STAU2: variants seen among roughly 807,000 people sequenced by gnomAD.
STAU2 encodes the protein double-stranded RNA-binding protein Staufen homolog 2.
STAU2 carries 20 observed loss-of-function variants against 65.9 expected under a neutral mutation model. The ratio of observed to expected loss-of-function variants is 0.30; its 90% CI spans 0.21 to 0.44. The LOEUF (loss-of-function observed/expected upper bound fraction) is 0.44. STAU2 is among the 20% of genes least tolerant of loss of function. The pLI, the probability that STAU2 is intolerant of heterozygous loss-of-function variation, is 1.00. For synonymous variants in STAU2, 232 were observed against 233.9 expected, an observed-to-expected ratio of 0.99 and a Z score of 0.07; for missense variants, 558 against 683.9, an observed-to-expected ratio of 0.82 and a Z score of 2.05.
intron 5 of STAU2, among the ~76,000 whole-genome samples, chr8:73,686,142 C>T (rs577072542): frequency 1.9e-4 from 29 of 152,306 alleles, no homozygotes; most frequent in Non-Finnish European, 2.6e-4. Flanking sequence ...GGGCCGGGCG[C>T]GGTGGCTCAC....
intron 13 of STAU2, among the ~76,000 whole-genome samples, chr8:73,495,662 A>AATATATATATATATATATATATATAT (rs3032943): frequency 6.7e-4 from 89 of 132,450 alleles, no homozygotes; most frequent in Admixed American, 1.4e-3. Flanking sequence ...CATAAAGCCA[A>AATATATATATATATATATATATATAT]ATATATATAT....
At chr8:73,644,796 G>C (rs1563478185) in intron 6 of STAU2, among the ~76,000 whole-genome samples, 1 of 151,922 alleles carries the variant, frequency 6.6e-6, no homozygotes, top group Non-Finnish European at 1.5e-5. Flanking sequence ...AAAGAATAAG[G>C]GAATACTAAG....
intron 13 of STAU2, among the ~76,000 whole-genome samples, chr8:73,433,904 C>T (rs774410722): frequency 1.5e-4 from 23 of 152,006 alleles, no homozygotes; most frequent in Non-Finnish European, 2.4e-4. Context: ...CGAGTCCACA[C>T]GGCACGCTCA....
At chr8:73,618,642 A>G (rs141667495) in intron 6 of STAU2, among the ~76,000 whole-genome samples, 3 of 152,376 alleles carry the variant, frequency 2.0e-5, no homozygotes, top group Non-Finnish European at 4.4e-5. Context: ...AATCTGACTT[A>G]TCTCTTGGAA....
intron 12 of STAU2, among the ~76,000 whole-genome samples, chr8:73,582,477 AT>A (rs1207766385): frequency 6.6e-6 from 1 of 151,022 alleles, no homozygotes; most frequent in Non-Finnish European, 1.5e-5. Context: ...ATATTTTTAT[AT>A]TTTTTATAAT....
At chr8:73,733,672 C>CACAT (rs1226956148) in intron 3 of STAU2, among the ~76,000 whole-genome samples, 11 of 152,014 alleles carry the variant, frequency 7.2e-5, no homozygotes, top group African/African-American at 2.7e-4. Flanking sequence ...TGACAGTAGA[C>CACAT]ACATATAAGC....
intron 3 of STAU2, 31 bp from the exon 4 acceptor site, chr8:73,709,193 G>A: frequency 6.9e-7 from 1 of 1,453,298 alleles, no homozygotes; most frequent in East Asian, 2.6e-5. Context: ...AAGTTTTTGT[G>A]AAGAATGACT....
Position 73,432,572 on chromosome 8 carries a change from T to C in STAU2, c.1531-9870A>G, listed in dbSNP as rs1585737217. 2.6e-5 allele frequency among the ~76,000 whole-genome samples: 4 copies of C among 152,208 alleles called. No individual in the cohort carries two copies. In the South Asian group the frequency reaches 8.3e-4, roughly 32 times the overall value. On this transcript the variant is annotated intron_variant, in intron 13 of 14. Transcript: ENST00000524300. ...AAATAAGAGAAACCAAAAAGACATTTGTATATTTCTAAACTTAAAACTTTA... is the reference window on the plus strand; with the variant it reads ...AAATAAGAGAAACCAAAAAGACATTCGTATATTTCTAAACTTAAAACTTTA...
intron 3 of STAU2, among the ~76,000 whole-genome samples, chr8:73,720,472 C>T (rs1308909008): frequency 7.2e-6 from 1 of 138,116 alleles, no homozygotes; most frequent in Non-Finnish European, 1.6e-5. Flanking sequence ...TGTTGTATTG[C>T]TGTTGTCATT....
chr8:73,523,960 T>C (rs931505498), intron 13 of STAU2, among the ~76,000 whole-genome samples: 23 of 152,184 alleles, frequency 1.5e-4, no homozygotes, highest in African/African-American at 5.3e-4. Flanking sequence ...GGTGGGAGGA[T>C]TGCCTGAGCC....
chr8:73,510,459 TAACTATA>T (rs1289387551), intron 13 of STAU2, among the ~76,000 whole-genome samples: 2 of 152,206 alleles, frequency 1.3e-5, no homozygotes, highest in African/African-American at 2.4e-5. Context: ...TGTAACACAC[TAACTATA>T]AACTATGTAT....
At chr8:73,668,426 G>A (rs1399231707) in intron 6 of STAU2, among the ~76,000 whole-genome samples, 1 of 152,152 alleles carries the variant, frequency 6.6e-6, no homozygotes, top group Non-Finnish European at 1.5e-5. Flanking sequence ...AGCAGATCAA[G>A]GGGCCATTTG....
intron 12 of STAU2, among the ~76,000 whole-genome samples, chr8:73,572,546 C>T (rs1242634913): frequency 6.6e-6 from 1 of 152,182 alleles, no homozygotes; most frequent in African/African-American, 2.4e-5. Context: ...AAAAGCTTAT[C>T]CACCACGATC....
chr8:73,588,927 C>CA (rs34462774), intron 11 of STAU2, among the ~76,000 whole-genome samples: 1 of 151,798 alleles, frequency 6.6e-6, no homozygotes, highest in African/African-American at 2.4e-5. Flanking sequence ...TGAAGCTGGA[C>CA]AAAAAAATCA....
chr8:73,731,235 T>C (rs1205572870), intron 3 of STAU2, among the ~76,000 whole-genome samples: 2 of 152,242 alleles, frequency 1.3e-5, no homozygotes, highest in Non-Finnish European at 2.9e-5. Context: ...CCAAAATGCA[T>C]GCTCACTTGT....
At chr8:73,479,716 T>TCC in intron 13 of STAU2, among the ~76,000 whole-genome samples, 1 of 113,514 alleles carries the variant, frequency 8.8e-6, no homozygotes, top group African/African-American at 4.0e-5. Context: ...AATATACGTG[T>TCC]GTGTGTGTGT....
chr8:73,738,045 A>G (rs1806568304), intron 3 of STAU2, among the ~76,000 whole-genome samples: 3 of 151,896 alleles, frequency 2.0e-5, no homozygotes, highest in Non-Finnish European at 4.4e-5. Context: ...TGTGACATCA[A>G]GAAGAACAGA....
At chr8:73,638,230 T>G (rs1814695032) in intron 6 of STAU2, among the ~76,000 whole-genome samples, 1 of 151,702 alleles carries the variant, frequency 6.6e-6, no homozygotes, top group Non-Finnish European at 1.5e-5. Flanking sequence ...ATACAAAAAA[T>G]TAAATACCCA....
At chr8:73,732,844 C>G (rs1174384760) in intron 3 of STAU2, 1 of 152,090 alleles carries the variant, frequency 6.6e-6, no homozygotes, top group Non-Finnish European at 1.5e-5. Context: ...TCCAGTCAGG[C>G]AGCAATAGCC....
Sources: allele counts gnomAD v4.1 joint callset (sites outside exome capture counted in the v4.1 genomes callset), GRCh38; gene constraint gnomAD v4.1.1; transcripts MANE v1.5; gene names NCBI Gene and HGNC (gene_info 2026-07-23, HGNC 2026-07-21).